The following KRTAP9-2 variants were observed in gnomAD, a reference collection of about 807,000 sequenced individuals.
KRTAP9-2 encodes the protein keratin-associated protein 9-2.
A neutral mutation model predicts 14.1 loss-of-function variants in KRTAP9-2; 12 were observed. The ratio of observed to expected loss-of-function variants is 0.85; its 90% CI spans 0.55 to 1.38. KRTAP9-2 has a LOEUF of 1.38. KRTAP9-2 is among the 40% of genes most tolerant of loss of function. The pLI is 0.00. For missense variants in KRTAP9-2, 185 were observed against 216.3 expected (o/e 0.86, Z 0.91); for synonymous variants, 72 against 79.5 (o/e 0.91, Z 0.50).
At position 41,226,846 on chromosome 17, in the gene KRTAP9-2, C is replaced by A. The variant is rs769825252; in HGVS notation, c.192C>A (p.Thr64=). Residue 64 remains threonine (T), a synonymous_variant, in exon 1 of 1, where the codon ACC becomes ACA. Coordinates refer to ENST00000377721, the MANE Select transcript of KRTAP9-2 (RefSeq NM_031961.3). ...PTCCQNTCCR[T]TCCQPTCVTS... ...GCTGTCAAAACACCTGCTGTAGGAC[C>A]ACCTGCTGCCAGCCCACCTGTGTGA... The A allele has an allele frequency of 5.3e-6, 8 of 1,518,938 alleles. No homozygotes were observed. The highest frequency in any genetic ancestry group is 7.1e-6 in the Non-Finnish European group (8 of 1,123,390). The allele number at this position is 1,518,938 out of a possible 1,614,324, so 94.1% of individuals were successfully genotyped here.
Position 41,227,184 on chromosome 17 carries a change from G to A in KRTAP9-2, c.*5G>A, listed in dbSNP as rs554175178. ...TGCCAGCCTTCTTGCTGCTGATCACGTTCCAAGAGAACCACCATCCTCACA... is the reference window on the plus strand; with the variant it reads ...TGCCAGCCTTCTTGCTGCTGATCACATTCCAAGAGAACCACCATCCTCACA... On this transcript the variant is annotated 3_prime_UTR_variant, in exon 1 of 1. Coordinates refer to ENST00000377721, the MANE Select transcript of KRTAP9-2 (RefSeq NM_031961.3). 8.8e-6 allele frequency: 14 copies of A among 1,592,718 alleles called. No homozygotes were observed. Among genetic ancestry groups the A allele is most frequent in the African/African-American group, 4.2e-5 (3 of 71,210 alleles).
At position 41,227,022 on chromosome 17, in the gene KRTAP9-2, C is replaced by T; in HGVS notation, c.368C>T (p.Pro123Leu). The T allele has an allele frequency of 6.2e-7, 1 of 1,613,966 alleles. No homozygotes were observed. The highest frequency in any genetic ancestry group is 8.5e-7 in the Non-Finnish European group (1 of 1,179,982). The change falls in exon 1 of 1, where the codon CCC (proline) becomes CTC (leucine). Residue 123 changes from proline (P) to leucine (L), a missense_variant. This residue lies in a region of KRTAP9-2 where 164 missense variants were observed against 168.3 expected (regional missense o/e 0.97). Transcript: ENST00000377721. The stretch of plus-strand genomic sequence containing the variant: ...TACTGCAGAAGAACCTGCTACTACC[C>T]CACGACTGTCTGCCTGCCTGGTTGC... ...PVYCRRTCYY[P>L]TTVCLPGCLN...
At position 41,227,043 on chromosome 17, in the gene KRTAP9-2, G is replaced by T; in HGVS notation, c.389G>T (p.Gly130Val). 6.2e-7 allele frequency: 1 copy of T among 1,612,998 alleles called. No individual in the cohort carries two copies. The highest frequency in any genetic ancestry group is 8.5e-7 in the Non-Finnish European group (1 of 1,179,838). Residue 130 changes from glycine to valine, a missense_variant, in exon 1 of 1, where the codon GGT becomes GTT. Gly to Val is a moderately radical substitution (Grantham distance 109). This residue lies in a region of KRTAP9-2 where 164 missense variants were observed against 168.3 expected (regional missense o/e 0.97). Transcript: ENST00000377721. ...TACCCCACGACTGTCTGCCTGCCTGGTTGCCTAAACCAGAGCTGTGGCTCC... is the reference window on the plus strand; with the variant it reads ...TACCCCACGACTGTCTGCCTGCCTGTTTGCCTAAACCAGAGCTGTGGCTCC... ...CYYPTTVCLP[G>V]CLNQSCGSNC...
rs371935601 is a variant in KRTAP9-2, at chr17:41,226,912, C to T, written c.258C>T (p.Cys86=). ...CTTCCTGCTGCAGCACACCCTGCTG[C>T]CAGCCCACCTGCTGTGGGTCCAGCT... The part of the protein sequence containing the change: ...CQPSCCSTPC[C]QPTCCGSSCC... The change falls in exon 1 of 1, where the codon TGC becomes TGT. Residue 86 remains cysteine, a synonymous_variant. Transcript: ENST00000377721. The T allele has an allele frequency of 1.2e-4, 201 of 1,613,258 alleles. No homozygotes were observed. Among genetic ancestry groups the T allele is most frequent in the Non-Finnish European group, 1.5e-4 (181 of 1,179,858 alleles).
Position 41,227,045 on chromosome 17 carries a change from T to A in KRTAP9-2, c.391T>A (p.Cys131Ser), listed in dbSNP as rs906153257. Reference sequence around the variant, plus strand: ...CCCCACGACTGTCTGCCTGCCTGGTTGCCTAAACCAGAGCTGTGGCTCCAA... The same window carrying A: ...CCCCACGACTGTCTGCCTGCCTGGTAGCCTAAACCAGAGCTGTGGCTCCAA... ...YYPTTVCLPG[C>S]LNQSCGSNCC... The change falls in exon 1 of 1, where the codon TGC becomes AGC. Residue 131 changes from cysteine to serine, a missense_variant. Cys to Ser is a moderately radical substitution (Grantham distance 112). Transcript: ENST00000377721. 3 of 1,613,366 alleles carry A rather than the reference T, an allele frequency of 1.9e-6. No individual in the cohort carries two copies. The African/African-American group carries it at 4.0e-5, about 22-fold the overall frequency.
Position 41,227,181 on chromosome 17 carries a change from C to T in KRTAP9-2, c.*2C>T, listed in dbSNP as rs1176846137. On this transcript the variant is annotated 3_prime_UTR_variant, in exon 1 of 1. Coordinates refer to ENST00000377721, the MANE Select transcript of KRTAP9-2 (RefSeq NM_031961.3). ...TGCTGCCAGCCTTCTTGCTGCTGAT[C>T]ACGTTCCAAGAGAACCACCATCCTC... 3.1e-6 allele frequency: 5 copies of T among 1,597,526 alleles called. No homozygotes were observed. The highest frequency in any genetic ancestry group is 4.3e-6 in the Non-Finnish European group (5 of 1,172,224).
Position 41,226,987 on chromosome 17 carries a change from T to C in KRTAP9-2, c.333T>C (p.Cys111=). ...CCAGCTGTGGCCAGAGCAGCTCCTG[T>C]GCACCTGTGTACTGCAGAAGAACCT... ...CGSSCGQSSS[C]APVYCRRTCY... is the part of the protein sequence containing the mutation. The change falls in exon 1 of 1, where the codon TGT becomes TGC. Residue 111 remains cysteine, a synonymous_variant. Coordinates refer to ENST00000377721, the MANE Select transcript of KRTAP9-2 (RefSeq NM_031961.3). The C allele has an allele frequency of 6.2e-7, 1 of 1,613,940 alleles. No homozygotes were observed. The highest frequency in any genetic ancestry group is 1.1e-5 in the South Asian group (1 of 91,070).
rs753433237 is a variant in KRTAP9-2 at position 41,227,095 on chromosome 17, A to C, written c.441A>C (p.Pro147=). ...ACTGCTGCCAGCCCTGCTGCCGCCC[A>C]GCCTGCTGTGAGACCACCTGCTGCA... ...GSNCCQPCCR[P]ACCETTCCRT... is the part of the protein sequence containing the mutation. Residue 147 remains proline, a synonymous_variant, in exon 1 of 1, where the codon CCA becomes CCC. Coordinates refer to ENST00000377721, the MANE Select transcript of KRTAP9-2 (RefSeq NM_031961.3). 225 of 1,600,872 alleles carry C rather than the reference A, an allele frequency of 1.4e-4. No individual in the cohort carries two copies. Among genetic ancestry groups the C allele is most frequent in the Middle Eastern group, 5.1e-4 (3 of 5,830 alleles).
In KRTAP9-2 at chr17:41,227,337, G is replaced by A; in HGVS notation, c.*158G>A. 1.8e-6 allele frequency: 1 copy of A among 564,942 alleles called. No individual in the cohort carries two copies. Among genetic ancestry groups the A allele is most frequent in the Non-Finnish European group, 2.8e-6 (1 of 354,980 alleles). 35.0% of individuals were successfully genotyped at this position (564,942 alleles called of 1,614,324 possible). Reference sequence around the variant, plus strand: ...TTTAAAATCTTGGAAATCTGCTTGAGGGAGGGCAGAATACTTCATCCTGAT... The same window carrying A: ...TTTAAAATCTTGGAAATCTGCTTGAAGGAGGGCAGAATACTTCATCCTGAT... On this transcript the variant is annotated 3_prime_UTR_variant, in exon 1 of 1. Transcript: ENST00000377721.
At position 41,227,309 on chromosome 17, in the gene KRTAP9-2, A is replaced by C. The variant is rs2015783948; in HGVS notation, c.*130A>C. Reference sequence around the variant, plus strand: ...ACCCAAATTTTTATGAATTCTCTACATGTTTAAAATCTTGGAAATCTGCTT... The same window carrying C: ...ACCCAAATTTTTATGAATTCTCTACCTGTTTAAAATCTTGGAAATCTGCTT... On this transcript the variant is annotated 3_prime_UTR_variant, in exon 1 of 1. Transcript: ENST00000377721. 4.3e-6 allele frequency: 3 copies of C among 701,960 alleles called. No homozygotes were observed. The highest frequency in any genetic ancestry group is 6.5e-6 in the Non-Finnish European group (3 of 463,794). 43.5% of individuals were successfully genotyped at this position (701,960 alleles called of 1,614,324 possible).
chr17:41,227,078 C>T, the KRTAP9-2 span: 2 of 1,415,762 alleles, frequency 1.4e-6, no homozygotes, highest in Non-Finnish European at 2.0e-6. Context: ...CAACTGCTGC[C>T]AGCCCTGCTG....
At position 41,226,961 on chromosome 17, in the gene KRTAP9-2, T is replaced by C. The variant is rs1174678221; in HGVS notation, c.307T>C (p.Ser103Pro). 6.2e-7 allele frequency: 1 copy of C among 1,613,560 alleles called. No individual in the cohort carries two copies. The highest frequency in any genetic ancestry group is 1.7e-5 in the Admixed American group (1 of 59,996). ...SSCCGQTSCG[S>P]SCGQSSSCAP... ...CTGCTGTGGCCAAACCAGCTGTGGGTCCAGCTGTGGCCAGAGCAGCTCCTG... is the reference window on the plus strand; with the variant it reads ...CTGCTGTGGCCAAACCAGCTGTGGGCCCAGCTGTGGCCAGAGCAGCTCCTG... Residue 103 changes from serine to proline, a missense_variant, in exon 1 of 1, where the codon TCC becomes CCC. This residue lies in a region of KRTAP9-2 where 164 missense variants were observed against 168.3 expected (regional missense o/e 0.97). Coordinates refer to ENST00000377721, the MANE Select transcript of KRTAP9-2 (RefSeq NM_031961.3).
Position 41,227,096 on chromosome 17 carries a change from G to A in KRTAP9-2, c.442G>A (p.Ala148Thr), listed in dbSNP as rs1340635882. The change falls in exon 1 of 1, where the codon GCC (alanine) becomes ACC (threonine). Residue 148 changes from alanine to threonine, a missense_variant. Physicochemically the swap from Ala to Thr is moderately conservative, Grantham distance 58. Coordinates refer to ENST00000377721, the MANE Select transcript of KRTAP9-2 (RefSeq NM_031961.3). ...SNCCQPCCRP[A>T]CCETTCCRTT... The stretch of plus-strand genomic sequence containing the variant: ...CTGCTGCCAGCCCTGCTGCCGCCCA[G>A]CCTGCTGTGAGACCACCTGCTGCAG... 6.3e-7 allele frequency: 1 copy of A among 1,598,924 alleles called. No homozygotes were observed. The highest frequency in any genetic ancestry group is 8.5e-7 in the Non-Finnish European group (1 of 1,175,408).
Position 41,227,175 on chromosome 17 carries a change from G to A in KRTAP9-2, c.521G>A (p.Cys174Tyr). 6.2e-7 allele frequency: 1 copy of A among 1,600,306 alleles called. No homozygotes were observed. The highest frequency in any genetic ancestry group is 8.5e-7 in the Non-Finnish European group (1 of 1,174,148). Reference protein sequence around the residue: ...CVSSCCQPSCC With the variant: ...CVSSCCQPSCY ...TCCAGCTGCTGCCAGCCTTCTTGCT[G>A]CTGATCACGTTCCAAGAGAACCACC... Residue 174 changes from cysteine to tyrosine, a missense_variant, in exon 1 of 1, where the codon TGC becomes TAC. Coordinates refer to ENST00000377721, the MANE Select transcript of KRTAP9-2 (RefSeq NM_031961.3).
rs2015767011 is a variant in KRTAP9-2, at chr17:41,226,743, C to T, written c.89C>T (p.Thr30Ile). 4.4e-6 allele frequency: 7 copies of T among 1,600,374 alleles called. No homozygotes were observed. Among genetic ancestry groups the T allele is most frequent in the South Asian group, 2.2e-5 (2 of 90,550 alleles). Residue 30 changes from threonine (T) to isoleucine (I), a missense_variant, in exon 1 of 1, where the codon ACC (threonine) becomes ATC (isoleucine). Physicochemically the swap from Thr to Ile is moderately conservative, Grantham distance 89 (BLOSUM62 -1). Around this residue, in one of 2 missense-constraint regions of KRTAP9-2, gnomAD observed 21 missense variants for 48.0 expected, o/e 0.44. Coordinates refer to ENST00000377721, the MANE Select transcript of KRTAP9-2 (RefSeq NM_031961.3). Reference protein sequence around the residue: ...RTTCWKPTTVTTCSSTPCCQP... With the variant: ...RTTCWKPTTVITCSSTPCCQP... ...ACCTGCTGGAAGCCCACCACTGTGA[C>T]CACCTGCAGCAGCACACCCTGCTGC... is the stretch of plus-strand genomic sequence containing the variant.
rs138818618 is a variant in KRTAP9-2, at chr17:41,226,847, A to C, written c.193A>C (p.Thr65Pro). 482 of 1,518,794 alleles carry C rather than the reference A, an allele frequency of 3.2e-4. 4 individuals carry two copies. In the East Asian group the frequency reaches 0.011, roughly 33 times the overall value. 94.1% of individuals were successfully genotyped at this position (1,518,794 alleles called of 1,614,324 possible). ...TCCQNTCCRT[T>P]CCQPTCVTSC... ...CTGTCAAAACACCTGCTGTAGGACC[A>C]CCTGCTGCCAGCCCACCTGTGTGAC... Residue 65 changes from threonine to proline, a missense_variant, in exon 1 of 1, where the codon ACC (threonine) becomes CCC (proline). Around this residue, in one of 2 missense-constraint regions of KRTAP9-2, gnomAD observed 164 missense variants for 168.3 expected, o/e 0.97. Transcript: ENST00000377721.
chr17:41,227,275 C>T lies in KRTAP9-2; in HGVS notation c.*96C>T. On this transcript the variant is annotated 3_prime_UTR_variant, in exon 1 of 1. Transcript: ENST00000377721. The stretch of plus-strand genomic sequence containing the variant: ...AATTTAATTTGCTGCTGACAGCCAC[C>T]ATGCTCTCACCCAAATTTTTATGAA... The T allele has an allele frequency of 9.9e-7, 1 of 1,006,534 alleles. No individual in the cohort carries two copies. Among genetic ancestry groups the T allele is most frequent in the South Asian group, 1.6e-5 (1 of 62,448 alleles). The allele number at this position is 1,006,534 out of a possible 1,614,324, so 62.4% of individuals were successfully genotyped here. A position where few individuals can be genotyped will look rare whatever the true frequency, so the allele number is the denominator to read the frequency against.
rs1418445586 is a variant in KRTAP9-2, at chr17:41,227,252, T to A, written c.*73T>A. The A allele has an allele frequency of 7.7e-7, 1 of 1,290,866 alleles. No individual in the cohort carries two copies. The highest frequency in any genetic ancestry group is 1.1e-6 in the Non-Finnish European group (1 of 937,656). The allele number at this position is 1,290,866 out of a possible 1,614,324, so 80.0% of individuals were successfully genotyped here. A position where few individuals can be genotyped will look rare whatever the true frequency, so the allele number is the denominator to read the frequency against. ...ACTGACTCATCTTTTGGGGGACTAA[T>A]TTAATTTGCTGCTGACAGCCACCAT... On this transcript the variant is annotated 3_prime_UTR_variant, in exon 1 of 1. Transcript: ENST00000377721.
chr17:41,226,908 G>A lies in KRTAP9-2; in HGVS notation c.254G>A (p.Cys85Tyr). The part of the protein sequence containing the change: ...CCQPSCCSTP[C>Y]CQPTCCGSSC... Reference sequence around the variant, plus strand: ...CAGCCTTCCTGCTGCAGCACACCCTGCTGCCAGCCCACCTGCTGTGGGTCC... The same window carrying A: ...CAGCCTTCCTGCTGCAGCACACCCTACTGCCAGCCCACCTGCTGTGGGTCC... The change falls in exon 1 of 1, where the codon TGC (cysteine) becomes TAC (tyrosine). Residue 85 changes from cysteine (C) to tyrosine (Y), a missense_variant. Transcript: ENST00000377721. The A allele has an allele frequency of 6.2e-7, 1 of 1,609,776 alleles. No individual in the cohort carries two copies. The highest frequency in any genetic ancestry group is 8.5e-7 in the Non-Finnish European group (1 of 1,179,048).
Sources: allele counts gnomAD v4.1 joint callset, GRCh38; gene constraint gnomAD v4.1.1; regional missense constraint gnomAD v4.1.1; transcripts MANE v1.5; gene names NCBI Gene and HGNC (gene_info 2026-07-23, HGNC 2026-07-21).